The following MAST4 variants were observed in gnomAD, a reference collection of about 807,000 sequenced individuals.
MAST4 encodes the protein microtubule-associated serine/threonine-protein kinase 4.
A neutral mutation model predicts 162.7 loss-of-function variants in MAST4; 89 were observed. The observed-to-expected ratio is 0.55, with a 90% confidence interval of 0.46 to 0.65. The LOEUF (loss-of-function observed/expected upper bound fraction) is 0.65, where lower values mean the gene tolerates loss of function less well. MAST4 is among the 30% of genes least tolerant of loss of function. The pLI is 0.00. For synonymous variants in MAST4, 1,479 were observed against 1,361.1 expected, an observed-to-expected ratio of 1.09 and a Z score of -1.91; for missense variants, 3,153 against 3,374.0, an observed-to-expected ratio of 0.93 and a Z score of 1.62.
At chr5:66,905,302 CAAAAAAA>C (rs60337775) in intron 4 of MAST4, among the ~76,000 whole-genome samples, 15 of 78,458 alleles carry the variant, frequency 1.9e-4, no homozygotes, top group East Asian at 8.6e-4. Context: ...AACTCTGTCT[CAAAAAAA>C]AAAAAAAAAA....
intron 4 of MAST4, among the ~76,000 whole-genome samples, chr5:66,929,925 G>A (rs1284198947): frequency 1.3e-5 from 2 of 152,158 alleles, no homozygotes; most frequent in South Asian, 2.1e-4. Flanking sequence ...CTAATGAAGC[G>A]ATAAACTATT....
At chr5:66,685,514 C>T (rs1458997250) in intron 1 of MAST4, among the ~76,000 whole-genome samples, 1 of 151,866 alleles carries the variant, frequency 6.6e-6, no homozygotes, top group African/African-American at 2.4e-5. Flanking sequence ...AGAGAATTTT[C>T]TCCTAAAAGA....
At chr5:66,615,964 C>T (rs1320251784) in intron 1 of MAST4, among the ~76,000 whole-genome samples, 2 of 152,144 alleles carry the variant, frequency 1.3e-5, no homozygotes, top group Admixed American at 6.5e-5. Flanking sequence ...ATGAACTTAC[C>T]CTTGCCGTGT....
intron 1 of MAST4, among the ~76,000 whole-genome samples, chr5:66,697,780 G>GT (rs1289956646): frequency 6.6e-6 from 1 of 152,104 alleles, no homozygotes; most frequent in Non-Finnish European, 1.5e-5. Context: ...GCGAACTAAT[G>GT]TTTTTTAAAT....
At chr5:66,706,032 A>G (rs906558103) in intron 1 of MAST4, among the ~76,000 whole-genome samples, 1 of 152,198 alleles carries the variant, frequency 6.6e-6, no homozygotes, top group South Asian at 2.1e-4. Flanking sequence ...CAGGTTCTCT[A>G]TGCTGCTTTG....
intron 25 of MAST4, 96 bp from the exon 26 acceptor site, chr5:67,153,356 TTAGGAC>T: frequency 8.1e-7 from 1 of 1,242,160 alleles, no homozygotes. Context: ...TATTAGAGGC[TTAGGAC>T]ATTTGCTAAT....
chr5:66,866,719 T>A (rs949240639), intron 3 of MAST4, among the ~76,000 whole-genome samples: 2 of 152,196 alleles, frequency 1.3e-5, no homozygotes, highest in Admixed American at 6.5e-5. Flanking sequence ...CATGTGATTC[T>A]TTTCAGAATT....
At chr5:66,671,177 C>T (rs1747588164) in intron 1 of MAST4, among the ~76,000 whole-genome samples, 1 of 152,120 alleles carries the variant, frequency 6.6e-6, no homozygotes, top group Non-Finnish European at 1.5e-5. Context: ...TTAGGTAAAA[C>T]CCAACTGATA....
intron 5 of MAST4, among the ~76,000 whole-genome samples, chr5:67,081,653 T>C (rs1762670433): frequency 6.6e-6 from 1 of 152,218 alleles, no homozygotes; most frequent in African/African-American, 2.4e-5. Flanking sequence ...ACTTCACCAC[T>C]ATGTAATATA....
At chr5:67,129,858 G>A (rs959178460) in intron 14 of MAST4, among the ~76,000 whole-genome samples, 2 of 152,102 alleles carry the variant, frequency 1.3e-5, no homozygotes, top group African/African-American at 2.4e-5. Flanking sequence ...ATTCTTTCCT[G>A]TTCTGACATA....
At chr5:66,891,774 G>A (rs573561669) in intron 3 of MAST4, among the ~76,000 whole-genome samples, 1 of 152,320 alleles carries the variant, frequency 6.6e-6, no homozygotes, top group African/African-American at 2.4e-5. Context: ...GAAAGACCAG[G>A]CTCAAGTATT....
At chr5:67,106,244 C>G (rs1452075208) in intron 10 of MAST4, among the ~76,000 whole-genome samples, 1 of 152,054 alleles carries the variant, frequency 6.6e-6, no homozygotes, top group East Asian at 1.9e-4. Flanking sequence ...GCTTCAAATC[C>G]TTACCTCAGA....
chr5:66,775,029 G>GTGTA (rs1554051323), intron 2 of MAST4, among the ~76,000 whole-genome samples: 3 of 144,328 alleles, frequency 2.1e-5, no homozygotes, highest in African/African-American at 5.2e-5. Context: ...GTGTGTGTGT[G>GTGTA]TGTGTGTATG....
At chr5:66,997,429 T>C in intron 4 of MAST4, among the ~76,000 whole-genome samples, 1 of 150,068 alleles carries the variant, frequency 6.7e-6, no homozygotes, top group East Asian at 1.9e-4. Flanking sequence ...TTTTTTTCTT[T>C]TCTCTTTTTT....
At position 67,160,347 on chromosome 5, in the gene MAST4, T is replaced by C. The variant is rs573953122; in HGVS notation, c.3649-109T>C. Reference sequence around the variant, plus strand: ...GGGTTATTTAGAAACAGAAGGCCTTTTATATGTATGTTCCTTTCTATTTGT... The same window carrying C: ...GGGTTATTTAGAAACAGAAGGCCTTCTATATGTATGTTCCTTTCTATTTGT... On this transcript the variant is annotated intron_variant, in intron 26 of 28. Coordinates refer to ENST00000403625, the MANE Select transcript of MAST4 (RefSeq NM_001164664.2). 6 of 1,163,376 alleles carry C rather than the reference T, an allele frequency of 5.2e-6. No homozygotes were observed. In the South Asian group the frequency reaches 1.1e-4, roughly 22 times the overall value. 72.1% of individuals were successfully genotyped at this position (1,163,376 alleles called of 1,614,324 possible).
intron 3 of MAST4, among the ~76,000 whole-genome samples, chr5:66,847,745 A>AG: frequency 7.4e-6 from 1 of 135,780 alleles, no homozygotes; most frequent in African/African-American, 2.7e-5. Flanking sequence ...CACTTGAACT[A>AG]GGGAGGCGGA....
At chr5:67,131,779 C>T in intron 15 of MAST4, 34 bp from the exon 16 acceptor site, 1 of 1,608,334 alleles carries the variant, frequency 6.2e-7, no homozygotes, top group South Asian at 1.1e-5. Context: ...AAGCCTTCAT[C>T]CTATAGCTAC....
chr5:66,808,824 A>G (rs1756333358), intron 3 of MAST4, among the ~76,000 whole-genome samples: 1 of 152,172 alleles, frequency 6.6e-6, no homozygotes, highest in Non-Finnish European at 1.5e-5. Context: ...CAAAATCTGG[A>G]GCAGCTCAGG....
chr5:66,931,449 T>C (rs1044754773), intron 4 of MAST4, among the ~76,000 whole-genome samples: 1 of 152,170 alleles, frequency 6.6e-6, no homozygotes, highest in Admixed American at 6.6e-5. Context: ...ATTTCTTCTT[T>C]CCTGTATCTT....
Sources: allele counts gnomAD v4.1 joint callset (sites outside exome capture counted in the v4.1 genomes callset), GRCh38; gene constraint gnomAD v4.1.1; transcripts MANE v1.5; gene names NCBI Gene and HGNC (gene_info 2026-07-23, HGNC 2026-07-21).